SPMIP9: variants seen among roughly 807,000 people sequenced by gnomAD.
SPMIP9 encodes protein SPMIP9.
chr2:88,528,934 T>C, the SPMIP9 span: 1 of 964,854 alleles, frequency 1.0e-6, no homozygotes, highest in African/African-American at 1.6e-5. Flanking sequence ...ATTCAAGGAC[T>C]AATTTAAAGT....
At chr2:88,528,173 T>A in the SPMIP9 span, among the ~76,000 whole-genome samples, 9 of 151,106 alleles carry the variant, frequency 6.0e-5, no homozygotes, top group Non-Finnish European at 1.3e-4. Flanking sequence ...AGTCTGGCTC[T>A]GTTGCCCAGG....
the SPMIP9 span, among the ~76,000 whole-genome samples, chr2:88,525,864 T>C: frequency 1.3e-5 from 2 of 149,156 alleles, no homozygotes; most frequent in African/African-American, 5.0e-5. Context: ...TTTCTGGGGG[T>C]TCAGTTATTT....
chr2:88,529,533 TG>T, the SPMIP9 span: 12 of 1,425,882 alleles, frequency 8.4e-6, no homozygotes, highest in East Asian at 1.6e-4. Flanking sequence ...CCTATGACCT[TG>T]GAGTGCAGAG....
chr2:88,526,617 G>T, the SPMIP9 span: 2 of 760,088 alleles, frequency 2.6e-6, no homozygotes, highest in Non-Finnish European at 4.6e-6. Flanking sequence ...CCAATGCCAG[G>T]AGATATGACT....
chr2:88,527,944 G>A, the SPMIP9 span, among the ~76,000 whole-genome samples: 1 of 152,228 alleles, frequency 6.6e-6, no homozygotes, highest in Admixed American at 6.5e-5. Context: ...AGTTTGGTGG[G>A]TGCAAAATCA....
the SPMIP9 span, chr2:88,525,794 TG>T: frequency 1.0e-6 from 1 of 968,416 alleles, no homozygotes; most frequent in Non-Finnish European, 1.6e-6. Context: ...TTGGGTTTTG[TG>T]GGTTTTTTTT....
chr2:88,526,436 C>G, the SPMIP9 span: 2 of 1,614,062 alleles, frequency 1.2e-6, no homozygotes, highest in Non-Finnish European at 1.7e-6. Context: ...TACCAAAGCT[C>G]CCACATGGTC....
chr2:88,529,355 C>T, the SPMIP9 span: 5 of 1,614,190 alleles, frequency 3.1e-6, no homozygotes, highest in Admixed American at 8.3e-5. Context: ...CAAACACCAG[C>T]CTGCTGCAGA....
the SPMIP9 span, chr2:88,526,447 G>C: frequency 6.2e-7 from 1 of 1,614,028 alleles, no homozygotes; most frequent in Non-Finnish European, 8.5e-7. Context: ...CCACATGGTC[G>C]ACTATCAGCC....
chr2:88,529,494 C>G, the SPMIP9 span: 1 of 1,593,708 alleles, frequency 6.3e-7, no homozygotes, highest in Middle Eastern at 1.7e-4. Flanking sequence ...AAATACCTTC[C>G]AAAGGCTCTT....
the SPMIP9 span, chr2:88,525,652 G>A: frequency 2.0e-5 from 33 of 1,614,096 alleles, no homozygotes; most frequent in Non-Finnish European, 2.5e-5. Flanking sequence ...GCCATGGCAG[G>A]TGTGAAATAC....
chr2:88,527,732 T>C, the SPMIP9 span, among the ~76,000 whole-genome samples: 3 of 152,200 alleles, frequency 2.0e-5, no homozygotes, highest in Admixed American at 6.5e-5. Context: ...AAATGCTGCA[T>C]TGAAGATGAG....
chr2:88,527,751 C>T, the SPMIP9 span, among the ~76,000 whole-genome samples: 1 of 152,188 alleles, frequency 6.6e-6, no homozygotes, highest in African/African-American at 2.4e-5. Flanking sequence ...AGATAAGTCA[C>T]ATCCTAATGT....
chr2:88,529,384 G>A, the SPMIP9 span: 1 of 1,614,154 alleles, frequency 6.2e-7, no homozygotes, highest in African/African-American at 1.3e-5. Context: ...AAGGCTACCT[G>A]CTACTGCCAG....
At chr2:88,526,670 T>G in the SPMIP9 span, among the ~76,000 whole-genome samples, 1 of 152,090 alleles carries the variant, frequency 6.6e-6, no homozygotes, top group Non-Finnish European at 1.5e-5. Flanking sequence ...GTGTGTATTT[T>G]TTTTTTCTTT....
At chr2:88,529,179 TC>T in the SPMIP9 span, 1 of 1,614,152 alleles carries the variant, frequency 6.2e-7, no homozygotes, top group Non-Finnish European at 8.5e-7. Context: ...GACCTGGGAC[TC>T]CCCGGCTTCT....
the SPMIP9 span, among the ~76,000 whole-genome samples, chr2:88,527,635 C>G: frequency 6.6e-6 from 1 of 152,156 alleles, no homozygotes; most frequent in Non-Finnish European, 1.5e-5. Flanking sequence ...CATGAATATG[C>G]CACAGTGTAC....
At chr2:88,527,002 A>G in the SPMIP9 span, among the ~76,000 whole-genome samples, 1 of 152,184 alleles carries the variant, frequency 6.6e-6, no homozygotes, top group African/African-American at 2.4e-5. Flanking sequence ...CAAATACGTC[A>G]TGCATACAAA....
chr2:88,526,620 A>G, the SPMIP9 span: 3 of 753,014 alleles, frequency 4.0e-6, no homozygotes, highest in Admixed American at 4.2e-5. Flanking sequence ...ATGCCAGGAG[A>G]TATGACTTAG....
Sources: gnomAD v4.1 joint callset for allele counts (sites outside exome capture counted in the v4.1 genomes callset) on GRCh38, gnomAD v4.1.1 for gene constraint, MANE v1.5 for transcripts, NCBI Gene and HGNC (gene_info 2026-07-23, HGNC 2026-07-21) for gene names.